The following PIK3R3 variants were observed in gnomAD, a reference collection of about 807,000 sequenced individuals.
The protein encoded by PIK3R3 is phosphoinositide-3-kinase regulatory subunit 3, also known as phosphatidylinositol 3-kinase regulatory subunit gamma.
Under a neutral mutation model 62.9 loss-of-function variants are expected in PIK3R3, and 64 were observed. The ratio of observed to expected loss-of-function variants is 1.02; its 90% confidence interval spans 0.83 to 1.25. The LOEUF is 1.25. Among genes scored for constraint, PIK3R3 ranks in the 50% most tolerant of loss-of-function variants. The probability of loss-of-function intolerance (pLI) is 0.00; values close to 1 mark genes in which losing one functional copy is unlikely to be tolerated. For missense variants in PIK3R3, 614 were observed against 561.6 expected (o/e 1.09, Z -0.94); for synonymous variants, 165 against 189.0 (o/e 0.87, Z 1.04).
intron 5 of PIK3R3, among the ~76,000 whole-genome samples, chr1:46,063,301 T>C (rs1377057403): frequency 1.3e-5 from 2 of 152,192 alleles, no homozygotes. Flanking sequence ...AATTGCCCAG[T>C]AGGGCTAGAA....
the PIK3R3 span, among the ~76,000 whole-genome samples, chr1:46,165,186 C>A: frequency 1.3e-5 from 2 of 152,080 alleles, no homozygotes; most frequent in East Asian, 1.9e-4. Flanking sequence ...CAGTTTGCCA[C>A]ACATACCCCC....
intron 5 of PIK3R3, among the ~76,000 whole-genome samples, chr1:46,063,186 A>G (rs904066887): frequency 2.0e-5 from 3 of 152,224 alleles, no homozygotes; most frequent in African/African-American, 7.2e-5. Context: ...GTGACACTTA[A>G]GCTAGGTCTT....
At chr1:46,072,998 G>A (rs913011935) in intron 3 of PIK3R3, among the ~76,000 whole-genome samples, 1 of 151,684 alleles carries the variant, frequency 6.6e-6, no homozygotes, top group Non-Finnish European at 1.5e-5. Context: ...ATTCTCTAAT[G>A]CTTACCCAGT....
intron 1 of PIK3R3, among the ~76,000 whole-genome samples, chr1:46,087,888 G>A (rs770001985): frequency 6.6e-6 from 1 of 152,166 alleles, no homozygotes; most frequent in East Asian, 1.9e-4. Flanking sequence ...CTTCCTACAT[G>A]AGGCTACTAA....
rs1446318922 is a variant in PIK3R3, at chr1:46,042,547, C to G, written c.*1126G>C. On this transcript the variant is annotated 3_prime_UTR_variant, in exon 10 of 10. Coordinates refer to ENST00000262741, the MANE Select transcript of PIK3R3 (RefSeq NM_003629.4). The surrounding 1 kb of genome is among the most constrained non-coding windows in gnomAD (Gnocchi z 4.3). ...TCCCCTCCTTAGCAACCTATAGCTCCCAAAACCCCATCCAGCAAAGGAGGG... is the reference window on the plus strand; with the variant it reads ...TCCCCTCCTTAGCAACCTATAGCTCGCAAAACCCCATCCAGCAAAGGAGGG... The G allele has an allele frequency of 4.6e-6, 1 of 216,958 alleles. No individual in the cohort carries two copies. Among genetic ancestry groups the G allele is most frequent in the Non-Finnish European group, 9.3e-6 (1 of 107,722 alleles). 13.4% of individuals were successfully genotyped at this position (216,958 alleles called of 1,614,324 possible).
intron 1 of PIK3R3, among the ~76,000 whole-genome samples, chr1:46,128,416 G>A (rs558313815): frequency 9.2e-5 from 14 of 151,834 alleles, no homozygotes; most frequent in Admixed American, 6.5e-4. Context: ...CAGACTGGGC[G>A]ACACAGCGAG....
chr1:46,165,913 G>A, the PIK3R3 span, among the ~76,000 whole-genome samples: 3 of 151,292 alleles, frequency 2.0e-5, no homozygotes, highest in Non-Finnish European at 4.4e-5. Context: ...TGGGACTACA[G>A]GCGCCCGCCA....
chr1:46,087,291 G>T (rs1488757481), intron 1 of PIK3R3, among the ~76,000 whole-genome samples: 2 of 151,512 alleles, frequency 1.3e-5, no homozygotes, highest in Non-Finnish European at 2.9e-5. Flanking sequence ...GATACAGCAT[G>T]CTCAGTGCTG....
At position 46,043,765 on chromosome 1, in the gene PIK3R3, A is replaced by C; in HGVS notation, c.1294T>G (p.Tyr432Asp). The change falls in exon 10 of 10, where the codon TAC (tyrosine) becomes GAC (aspartate). Residue 432 changes from tyrosine to aspartate, a missense_variant. Coordinates refer to ENST00000262741, the MANE Select transcript of PIK3R3 (RefSeq NM_003629.4). ...TGCTGAACCAAGGATGTCTGCTGGT[A>C]ATGGAGCACTAGCTCCTTCAGAGAG... is the stretch of plus-strand genomic sequence containing the variant. Reference protein sequence around the residue: ...YSSLKELVLHYQQTSLVQHND... With the variant: ...YSSLKELVLHDQQTSLVQHND... 2 of 1,614,184 alleles carry C rather than the reference A, an allele frequency of 1.2e-6. No homozygotes were observed. The highest frequency in any genetic ancestry group is 1.7e-6 in the Non-Finnish European group (2 of 1,180,002).
the PIK3R3 span, among the ~76,000 whole-genome samples, chr1:46,167,000 G>C: frequency 5.3e-5 from 8 of 152,326 alleles, no homozygotes; most frequent in African/African-American, 1.9e-4. Flanking sequence ...CAAGATCTTG[G>C]CTTCCTTTTC....
Position 46,042,299 on chromosome 1 carries a change from G to T in PIK3R3, c.*1374C>A, listed in dbSNP as rs910635453. 8 of 229,488 alleles carry T rather than the reference G, an allele frequency of 3.5e-5. No individual in the cohort carries two copies. The highest frequency in any genetic ancestry group is 1.8e-4 in the African/African-American group (8 of 45,102). 14.2% of individuals were successfully genotyped at this position (229,488 alleles called of 1,614,324 possible). On this transcript the variant is annotated 3_prime_UTR_variant, in exon 10 of 10. Coordinates refer to ENST00000262741, the MANE Select transcript of PIK3R3 (RefSeq NM_003629.4). This position sits in a 1 kb window ranked among gnomAD's most constrained non-coding sequence, Gnocchi z 4.3. Reference sequence around the variant, plus strand: ...AAAATCAAGGCCACTGGAGCAGGAGGGCAGACTGCACATAGCCTTAATGGC... The same window carrying T: ...AAAATCAAGGCCACTGGAGCAGGAGTGCAGACTGCACATAGCCTTAATGGC...
In PIK3R3 at chr1:46,055,796, CA is replaced by C. The variant is rs780556614; in HGVS notation, c.939del (p.Val314TyrfsTer8). 5.7e-6 allele frequency: 9 copies of C among 1,583,678 alleles called. No homozygotes were observed. Among genetic ancestry groups the C allele is most frequent in the Non-Finnish European group, 7.7e-6 (9 of 1,165,720 alleles). On this transcript the variant is annotated frameshift_variant and splice_region_variant, in exon 7 of 10. Transcript: ENST00000262741. LOFTEE classifies it high-confidence loss of function. ...IQLRKIRDQHLVWLNHKGVRQ... is the reference protein window; with the variant it reads ...IQLRKIRDQHXVWLNHKGVRQ... ...CCCATACACTCCCAGACTACTTACACAAGGTGTTGATCTCGGATCTTTCGCA... is the reference window on the plus strand; with the variant it reads ...CCCATACACTCCCAGACTACTTACACAGGTGTTGATCTCGGATCTTTCGCA...
At chr1:46,106,484 T>C (rs1334681460) in intron 1 of PIK3R3, among the ~76,000 whole-genome samples, 2 of 152,232 alleles carry the variant, frequency 1.3e-5, no homozygotes, top group Non-Finnish European at 2.9e-5. Context: ...TTGGTTTCAA[T>C]GGTTTTTAGT....
At chr1:46,107,927 T>C (rs180874286) in intron 1 of PIK3R3, among the ~76,000 whole-genome samples, 3 of 152,330 alleles carry the variant, frequency 2.0e-5, no homozygotes, top group Admixed American at 2.0e-4. Context: ...TTCCATAAAT[T>C]ATAATAGTTC....
At chr1:46,050,820 T>C (rs1443367256) in intron 7 of PIK3R3, among the ~76,000 whole-genome samples, 1 of 152,158 alleles carries the variant, frequency 6.6e-6, no homozygotes, top group African/African-American at 2.4e-5. Context: ...CACCAACTGA[T>C]GATGATTAAA....
chr1:46,093,339 A>T (rs1231651963), intron 1 of PIK3R3, among the ~76,000 whole-genome samples: 1 of 152,148 alleles, frequency 6.6e-6, no homozygotes, highest in Non-Finnish European at 1.5e-5. Flanking sequence ...AGCTATATTT[A>T]GTTACTCATT....
intron 1 of PIK3R3, among the ~76,000 whole-genome samples, chr1:46,127,741 T>G (rs772476644): frequency 1.2e-4 from 19 of 152,194 alleles, no homozygotes; most frequent in South Asian, 4.1e-4. Flanking sequence ...TGTTGTTGTT[T>G]TTTGTAGAAA....
intron 1 of PIK3R3, among the ~76,000 whole-genome samples, chr1:46,119,832 C>T (rs1193392063): frequency 6.9e-6 from 1 of 144,802 alleles, no homozygotes; most frequent in Non-Finnish European, 1.5e-5. Context: ...GGCTGGAGTA[C>T]AGTGGTATAA....
intron 1 of PIK3R3, among the ~76,000 whole-genome samples, chr1:46,099,842 A>G (rs1652488628): frequency 1.3e-5 from 2 of 152,196 alleles, no homozygotes; most frequent in African/African-American, 4.8e-5. Context: ...CTTAAGTATA[A>G]GAGAGTTTTC....
Sources: allele counts gnomAD v4.1 joint callset (sites outside exome capture counted in the v4.1 genomes callset), GRCh38; gene constraint gnomAD v4.1.1; non-coding constraint Gnocchi (gnomAD v3.1); transcripts MANE v1.5; gene names NCBI Gene and HGNC (gene_info 2026-07-23, HGNC 2026-07-21).